Variants in GRIPAP1 observed in about 807,000 individuals in gnomAD.
GRIPAP1 encodes GRIP1 associated protein 1.
GRIPAP1 carries 14 observed loss-of-function variants against 84.1 expected under a neutral mutation model. The observed-to-expected ratio is 0.17, with a 90% confidence interval of 0.11 to 0.26. The LOEUF (loss-of-function observed/expected upper bound fraction) is 0.26. GRIPAP1 is among the 10% of genes least tolerant of loss of function. GRIPAP1 has a pLI of 1.00. For synonymous variants in GRIPAP1, 261 were observed against 256.8 expected (o/e 1.02, Z -0.15); for missense variants, 518 against 674.2 (o/e 0.77, Z 2.57).
intron 1 of GRIPAP1, among the ~76,000 whole-genome samples, chrX:48,999,769 A>G (rs1207897381): frequency 9.0e-6 from 1 of 110,886 alleles, no homozygotes; most frequent in Non-Finnish European, 1.9e-5. Context: ...GCCATCCCAG[A>G]GCACTGCCCC....
rs782442004 is a variant in GRIPAP1 at position 48,991,118 on chromosome X, GT to G, written c.458-9del. 14 of 1,155,441 alleles carry G rather than the reference GT, an allele frequency of 1.2e-5. No homozygotes were observed. The highest frequency in any genetic ancestry group is 3.0e-5 in the East Asian group (1 of 33,642). ...CATAGCGTTCCTGCAGGGCTGGTGA[GT>G]AGAACAGGGATATATGATGGATGAG... is the stretch of plus-strand genomic sequence containing the variant. On this transcript the variant is annotated splice_polypyrimidine_tract_variant and intron_variant, in intron 6 of 25. Coordinates refer to ENST00000376423, the MANE Select transcript of GRIPAP1 (RefSeq NM_020137.5).
rs782514235 is a variant in GRIPAP1 at position 48,981,597 on chromosome X, T to C, written c.1772A>G (p.Gln591Arg). 4.6e-5 allele frequency: 55 copies of C among 1,194,646 alleles called. No individual in the cohort carries two copies. The highest frequency in any genetic ancestry group is 5.3e-5 in the Non-Finnish European group (47 of 881,114). ...TGGGGCTGTGCAGTGACCACTGACC[T>C]GCTTCAGGCTGCTAATGGTCTTCAG... ...CHLKTISSLK[Q>R]EVKDTVDGQR... The change falls in exon 19 of 26, where the codon CAG becomes CGG. Residue 591 changes from glutamine (Q) to arginine (R), a missense_variant and splice_region_variant. Coordinates refer to ENST00000376423, the MANE Select transcript of GRIPAP1 (RefSeq NM_020137.5).
intron 5 of GRIPAP1, among the ~76,000 whole-genome samples, chrX:48,994,659 C>T (rs2064537971): frequency 8.9e-6 from 1 of 112,085 alleles, no homozygotes; most frequent in Non-Finnish European, 1.9e-5. Flanking sequence ...AATTCCAGTA[C>T]TCTCTGTCAC....
intron 21 of GRIPAP1, among the ~76,000 whole-genome samples, chrX:48,980,131 A>T (rs1176826041): frequency 2.7e-5 from 3 of 109,689 alleles, no homozygotes; most frequent in Non-Finnish European, 3.8e-5. Flanking sequence ...TGAGTCTGTA[A>T]TCTAAGAGAT....
intron 3 of GRIPAP1, chrX:48,999,020 G>T: frequency 2.6e-6 from 1 of 378,328 alleles, no homozygotes; most frequent in East Asian, 4.2e-5. Context: ...AATTAGAAAT[G>T]AATTAAAAGT....
intron 21 of GRIPAP1, 133 bp downstream of exon 21, chrX:48,981,082 T>C: frequency 2.1e-6 from 1 of 468,129 alleles, no homozygotes. Flanking sequence ...AGAGAAAAGG[T>C]AAAAGATGGA....
At chrX:48,976,445 AC>A in intron 22 of GRIPAP1, 82 bp from the exon 23 acceptor site, 1 of 1,082,683 alleles carries the variant, frequency 9.2e-7, no homozygotes, top group Non-Finnish European at 1.2e-6. Flanking sequence ...GGGGAGGAGA[AC>A]CAGGCCAGAG....
At chrX:48,979,621 T>C (rs1235889558) in intron 21 of GRIPAP1, among the ~76,000 whole-genome samples, 1 of 108,040 alleles carries the variant, frequency 9.3e-6, no homozygotes, top group Non-Finnish European at 1.9e-5. Flanking sequence ...ATTATTATTA[T>C]TATTTTTTAG....
intron 1 of GRIPAP1, among the ~76,000 whole-genome samples, chrX:49,001,610 C>T (rs2064580748): frequency 9.1e-6 from 1 of 110,257 alleles, no homozygotes; most frequent in Non-Finnish European, 1.9e-5. Flanking sequence ...CCTTAATCAT[C>T]CAATGGTGCC....
chrX:48,995,455 G>T (rs184309106), intron 5 of GRIPAP1, among the ~76,000 whole-genome samples: 16 of 111,748 alleles, frequency 1.4e-4, no homozygotes, highest in African/African-American at 5.2e-4. Flanking sequence ...GATGTCATAA[G>T]ATCTGCAGGT....
At chrX:48,974,306 CAG>C in intron 25 of GRIPAP1, 21 bp from the exon 26 acceptor site, 1 of 1,085,149 alleles carries the variant, frequency 9.2e-7, no homozygotes, top group Non-Finnish European at 1.3e-6. Flanking sequence ...AATGAACCAT[CAG>C]GGGCCAGAGA....
At position 48,979,981 on chromosome X, in the gene GRIPAP1, G is replaced by C. The variant is rs781981955; in HGVS notation, c.1930+1234C>G. Among the ~76,000 whole-genome samples the C allele has an allele frequency of 4.5e-5, 5 of 111,333 alleles. No individual in the cohort carries two copies. The East Asian group carries it at 1.4e-3, about 31-fold the overall frequency. ...TTACTTCAGGAGACCGAGTGCCTCA[G>C]AGAGAAATTGATTTGGTGAGAGATA... On this transcript the variant is annotated intron_variant, in intron 21 of 25. Transcript: ENST00000376423.
At chrX:48,977,422 T>C (rs1364239653) in intron 22 of GRIPAP1, 1 of 110,617 alleles carries the variant, frequency 9.0e-6, no homozygotes, top group Non-Finnish European at 1.9e-5. Flanking sequence ...CCTCCCAGGT[T>C]CAAGCGATTC....
chrX:48,998,090 A>G, intron 4 of GRIPAP1, 64 bp downstream of exon 4: 1 of 814,613 alleles, frequency 1.2e-6, no homozygotes, highest in Admixed American at 2.2e-5. Context: ...AGGAAATATC[A>G]GCATACAGAA....
At chrX:49,002,152 G>T (rs1242267341) in intron 1 of GRIPAP1, 36 bp downstream of exon 1, 5 of 1,027,333 alleles carry the variant, frequency 4.9e-6, no homozygotes, top group East Asian at 3.2e-5. Context: ...GCCCCCGGTC[G>T]CCTAGCCGGG....
intron 13 of GRIPAP1, among the ~76,000 whole-genome samples, chrX:48,986,220 C>A (rs1331174476): frequency 2.5e-4 from 18 of 71,021 alleles, no homozygotes; most frequent in African/African-American, 1.0e-3. Flanking sequence ...CCAGCCTGGA[C>A]AACAAGACCG....
chrX:48,989,388 C>A (rs1382851803), intron 11 of GRIPAP1, among the ~76,000 whole-genome samples: 2 of 111,002 alleles, frequency 1.8e-5, no homozygotes, highest in African/African-American at 6.6e-5. Context: ...TAGCACACAG[C>A]CCCCTAAGTC....
chrX:48,989,418 AC>A (rs1446805736), intron 11 of GRIPAP1, among the ~76,000 whole-genome samples, 192 bp downstream of exon 11: 1 of 111,068 alleles, frequency 9.0e-6, no homozygotes, highest in African/African-American at 3.3e-5. Flanking sequence ...CTGAGATCTT[AC>A]ACTCATGAAG....
chrX:48,984,883 A>G (rs1248219524), intron 14 of GRIPAP1, among the ~76,000 whole-genome samples: 3 of 93,902 alleles, frequency 3.2e-5, no homozygotes, highest in East Asian at 3.6e-4. Context: ...TTAGCTGGGC[A>G]TGGTGGCAGG....
Sources: gnomAD v4.1 joint callset for allele counts (sites outside exome capture counted in the v4.1 genomes callset) on GRCh38, gnomAD v4.1.1 for gene constraint, MANE v1.5 for transcripts, NCBI Gene and HGNC (gene_info 2026-07-23, HGNC 2026-07-21) for gene names.